Variants in CTNNA3 observed in about 807,000 individuals in gnomAD.
CTNNA3 encodes the protein catenin alpha 3, also known as catenin alpha-3.
Under a neutral mutation model 95.7 loss-of-function variants are expected in CTNNA3, and 76 were observed. That is an observed-to-expected ratio of 0.79 (90% CI 0.66 to 0.96). CTNNA3 has a LOEUF of 0.96. Ranked by LOEUF, CTNNA3 falls within the 40% of genes least tolerant of loss-of-function variation. The probability of loss-of-function intolerance (pLI) is 0.00; values close to 1 mark genes in which losing one functional copy is unlikely to be tolerated. For missense variants in CTNNA3, 1,191 were observed against 1,089.8 expected (o/e 1.09, Z -1.31); for synonymous variants, 431 against 374.4 (o/e 1.15, Z -1.74).
intron 5 of CTNNA3, among the ~76,000 whole-genome samples, chr10:67,282,931 C>T (rs756398731): frequency 6.6e-6 from 1 of 152,158 alleles, no homozygotes; most frequent in South Asian, 2.1e-4. Flanking sequence ...AGCAGGACCC[C>T]TTTTCCCAAA....
chr10:66,079,931 T>C (rs2080689562), intron 14 of CTNNA3, among the ~76,000 whole-genome samples: 1 of 152,010 alleles, frequency 6.6e-6, no homozygotes. Context: ...ATTTACTAGG[T>C]TTTTAAAAAG....
At chr10:66,471,163 T>A (rs1044444683) in intron 11 of CTNNA3, among the ~76,000 whole-genome samples, 1 of 151,864 alleles carries the variant, frequency 6.6e-6, no homozygotes, top group Non-Finnish European at 1.5e-5. Context: ...AAAAGTAGCA[T>A]TTTTTGTAAT....
intron 5 of CTNNA3, among the ~76,000 whole-genome samples, chr10:67,385,848 A>C (rs1207389507): frequency 2.6e-5 from 4 of 152,030 alleles, no homozygotes; most frequent in East Asian, 3.9e-4. Context: ...AAAAAAAAAA[A>C]AAAAACCTGG....
chr10:67,639,591 G>A (rs987647560), intron 2 of CTNNA3, among the ~76,000 whole-genome samples: 15 of 151,348 alleles, frequency 9.9e-5, no homozygotes, highest in African/African-American at 2.4e-4. Flanking sequence ...CATGAACATC[G>A]ATGCAAAAAT....
chr10:67,477,570 G>A (rs148176568), intron 5 of CTNNA3, among the ~76,000 whole-genome samples: 85 of 152,136 alleles, frequency 5.6e-4, no homozygotes, highest in African/African-American at 2.0e-3. Context: ...TAGTGCGTAG[G>A]GCTATAACAG....
intron 3 of CTNNA3, among the ~76,000 whole-genome samples, chr10:67,567,536 C>T (rs529464731): frequency 6.6e-6 from 1 of 152,188 alleles, no homozygotes; most frequent in South Asian, 2.1e-4. Flanking sequence ...GACTTAACCA[C>T]TATGTAATCT....
At chr10:65,945,449 A>G (rs17241218) in intron 17 of CTNNA3, among the ~76,000 whole-genome samples, 31,846 of 152,160 alleles carry the variant, frequency 0.21, 4,007 homozygotes, top group Middle Eastern at 0.33. Context: ...GAACTCTAAA[A>G]ATGCTGTGCT....
At chr10:67,627,931 T>C (rs1839011436) in intron 2 of CTNNA3, among the ~76,000 whole-genome samples, 1 of 151,874 alleles carries the variant, frequency 6.6e-6, no homozygotes, top group African/African-American at 2.4e-5. Context: ...GGTATGAGGA[T>C]GTGCTTTTGT....
At chr10:66,972,454 A>G (rs1849775037) in intron 7 of CTNNA3, among the ~76,000 whole-genome samples, 1 of 152,020 alleles carries the variant, frequency 6.6e-6, no homozygotes, top group Non-Finnish European at 1.5e-5. Context: ...TGTGCCTTGC[A>G]GAATACATTT....
intron 5 of CTNNA3, among the ~76,000 whole-genome samples, chr10:67,220,488 T>G (rs1864602169): frequency 6.6e-6 from 1 of 152,122 alleles, no homozygotes; most frequent in African/African-American, 2.4e-5. Flanking sequence ...TTCTTTCTTT[T>G]GGGGGGAAAG....
chr10:66,845,719 A>ATAAATAAATAAATAAATAAAT (rs1460976033), intron 7 of CTNNA3, among the ~76,000 whole-genome samples: 5,642 of 73,230 alleles, frequency 0.077, 538 homozygotes, highest in African/African-American at 0.091. Flanking sequence ...AAAAAAAAAA[A>ATAAATAAATAAATAAATAAAT]AAAAAAAAAA....
intron 7 of CTNNA3, among the ~76,000 whole-genome samples, chr10:66,946,017 A>G (rs1848254961): frequency 1.3e-5 from 2 of 152,212 alleles, no homozygotes; most frequent in Non-Finnish European, 1.5e-5. Flanking sequence ...GAAAATGTTT[A>G]AAGATGTGGC....
intron 1 of CTNNA3, among the ~76,000 whole-genome samples, chr10:67,757,647 C>T (rs1425324756): frequency 6.6e-6 from 1 of 152,130 alleles, no homozygotes; most frequent in Admixed American, 6.6e-5. Flanking sequence ...GACTCTTAGA[C>T]TTACACCGGT....
chr10:67,285,121 TTC>T (rs1839546916), intron 5 of CTNNA3, among the ~76,000 whole-genome samples: 1 of 152,220 alleles, frequency 6.6e-6, no homozygotes, highest in South Asian at 2.1e-4. Context: ...GTTATTAAAC[TTC>T]TGTTTGCTGT....
At chr10:67,572,417 A>T (rs1455235471) in intron 3 of CTNNA3, among the ~76,000 whole-genome samples, 2 of 152,148 alleles carry the variant, frequency 1.3e-5, no homozygotes, top group Non-Finnish European at 2.9e-5. Context: ...TCAGCCAGTC[A>T]TTGGTTGATC....
intron 13 of CTNNA3, among the ~76,000 whole-genome samples, chr10:66,248,978 G>A (rs2090444078): frequency 6.6e-6 from 1 of 152,036 alleles, no homozygotes; most frequent in African/African-American, 2.4e-5. Flanking sequence ...ACATAATAGA[G>A]AACCCAGAAA....
intron 7 of CTNNA3, among the ~76,000 whole-genome samples, chr10:67,140,717 C>T (rs1860517638): frequency 6.6e-6 from 1 of 152,114 alleles, no homozygotes; most frequent in African/African-American, 2.4e-5. Flanking sequence ...CTTTTTGGTA[C>T]TATAAATACT....
intron 9 of CTNNA3, among the ~76,000 whole-genome samples, chr10:66,731,374 C>G (rs1054643837): frequency 6.6e-6 from 1 of 152,158 alleles, no homozygotes; most frequent in Non-Finnish European, 1.5e-5. Context: ...CAAACTTCAG[C>G]CAATATGGGT....
At chr10:65,928,477 G>T (rs1318111083) in intron 17 of CTNNA3, among the ~76,000 whole-genome samples, 1 of 152,064 alleles carries the variant, frequency 6.6e-6, no homozygotes, top group East Asian at 1.9e-4. Context: ...TCATCAGAAG[G>T]CAATATGATC....
Sources: allele counts gnomAD v4.1 joint callset (sites outside exome capture counted in the v4.1 genomes callset), GRCh38; gene constraint gnomAD v4.1.1; transcripts MANE v1.5; gene names NCBI Gene and HGNC (gene_info 2026-07-23, HGNC 2026-07-21).